Variants in SLC6A6 observed in about 807,000 individuals in gnomAD.
The protein encoded by SLC6A6 is solute carrier family 6 member 6.
A neutral mutation model predicts 68.8 loss-of-function variants in SLC6A6; 16 were observed. The observed-to-expected ratio is 0.23, with a 90% confidence interval of 0.16 to 0.35. The LOEUF (loss-of-function observed/expected upper bound fraction) is 0.35, where lower values mean the gene tolerates loss of function less well. Among genes scored for constraint, SLC6A6 ranks in the 10% least tolerant of loss-of-function variants. The pLI, the probability that SLC6A6 is intolerant of heterozygous loss-of-function variation, is 1.00. For synonymous variants in SLC6A6, 312 were observed against 315.4 expected (o/e 0.99, Z 0.12); for missense variants, 474 against 802.8 (o/e 0.59, Z 4.95).
intron 1 of SLC6A6, among the ~76,000 whole-genome samples, chr3:14,408,045 C>T (rs1699150129): frequency 6.6e-6 from 1 of 151,938 alleles, no homozygotes; most frequent in Non-Finnish European, 1.5e-5. Flanking sequence ...TTGTTTCCAG[C>T]TGGGGGGCAG....
intron 1 of SLC6A6, among the ~76,000 whole-genome samples, chr3:14,415,380 C>T (rs543607762): frequency 3.4e-4 from 52 of 152,232 alleles, no homozygotes; most frequent in African/African-American, 1.2e-3. Context: ...CTGGCAAGTG[C>T]GCCTCTGGGT....
chr3:14,417,045 A>C (rs1699377259), intron 2 of SLC6A6, among the ~76,000 whole-genome samples: 1 of 152,152 alleles, frequency 6.6e-6, no homozygotes, highest in African/African-American at 2.4e-5. Flanking sequence ...GGGTTTCACG[A>C]TGTTGTCAAG....
intron 5 of SLC6A6, among the ~76,000 whole-genome samples, chr3:14,449,863 T>C (rs1347125305): frequency 6.6e-6 from 1 of 152,178 alleles, no homozygotes; most frequent in African/African-American, 2.4e-5. Context: ...GCAATTCTCC[T>C]GCCTCAGCCT....
At chr3:14,440,880 AC>A (rs1198340661) in intron 2 of SLC6A6, among the ~76,000 whole-genome samples, 4 of 149,102 alleles carry the variant, frequency 2.7e-5, no homozygotes, top group Non-Finnish European at 5.9e-5. Context: ...GAGTTGGGAG[AC>A]CCCCACCATG....
chr3:14,420,471 C>T (rs1181003419), intron 2 of SLC6A6, among the ~76,000 whole-genome samples: 2 of 147,876 alleles, frequency 1.4e-5, no homozygotes, highest in African/African-American at 2.5e-5. Context: ...GTTACAGTTT[C>T]TCTTGTAAAC....
At position 14,485,018 on chromosome 3, in the gene SLC6A6, G is replaced by A; in HGVS notation, c.*11G>A. 1.3e-6 allele frequency: 2 copies of A among 1,598,144 alleles called. No individual in the cohort carries two copies. The highest frequency in any genetic ancestry group is 1.7e-6 in the Non-Finnish European group (2 of 1,167,878). ...GAGACCATGATGTGAGCTCTCTCGG[G>A]TCGACGGGGCCGGCGGCTTTCCTGC... On this transcript the variant is annotated 3_prime_UTR_variant, in exon 15 of 15. Coordinates refer to ENST00000622186, the MANE Select transcript of SLC6A6 (RefSeq NM_003043.6).
intron 5 of SLC6A6, among the ~76,000 whole-genome samples, chr3:14,457,369 G>A (rs1335953096): frequency 2.6e-5 from 4 of 152,200 alleles, no homozygotes; most frequent in Admixed American, 2.6e-4. Context: ...GTTAACATCT[G>A]CAAAGGTTTA....
rs556679209 is a variant in SLC6A6, at chr3:14,452,773, G to A, written c.599+4957G>A. Among the ~76,000 whole-genome samples, 9 of 152,268 alleles carry A rather than the reference G, an allele frequency of 5.9e-5. No homozygotes were observed. The South Asian group carries it at 1.7e-3, about 28-fold the overall frequency. On this transcript the variant is annotated intron_variant, in intron 5 of 14. Coordinates refer to ENST00000622186, the MANE Select transcript of SLC6A6 (RefSeq NM_003043.6). ...TTTCATGCTGGCTTTATAATTGAGC[G>A]CCGAGTTGCTCTGGGATGGGGAAGC...
chr3:14,474,437 G>C (rs775778727), intron 10 of SLC6A6, among the ~76,000 whole-genome samples: 6 of 152,148 alleles, frequency 3.9e-5, no homozygotes, highest in Non-Finnish European at 8.8e-5. Context: ...AGTACCTTCA[G>C]ACATTGCGCG....
At chr3:14,429,899 C>G (rs1699684344) in intron 2 of SLC6A6, among the ~76,000 whole-genome samples, 1 of 152,098 alleles carries the variant, frequency 6.6e-6, no homozygotes, top group Admixed American at 6.6e-5. Flanking sequence ...TGAACTTTAT[C>G]CAAAGTTGCA....
intron 2 of SLC6A6, among the ~76,000 whole-genome samples, chr3:14,442,068 T>C (rs1478103379): frequency 6.6e-6 from 1 of 152,154 alleles, no homozygotes. Context: ...GCCAAGCGAG[T>C]GTGTCCTGAG....
chr3:14,428,611 G>C (rs1699653580), intron 2 of SLC6A6, among the ~76,000 whole-genome samples: 2 of 152,194 alleles, frequency 1.3e-5, no homozygotes, highest in Non-Finnish European at 2.9e-5. Context: ...CTCCTGGGGA[G>C]GGTGCCTTTG....
intron 2 of SLC6A6, among the ~76,000 whole-genome samples, chr3:14,435,089 TAAG>T (rs1358583483): frequency 2.0e-5 from 3 of 152,180 alleles, no homozygotes; most frequent in African/African-American, 4.8e-5. Flanking sequence ...AACCACAGAC[TAAG>T]AAGAACTACG....
chr3:14,461,196 G>A (rs766156957), intron 6 of SLC6A6, among the ~76,000 whole-genome samples: 13 of 152,214 alleles, frequency 8.5e-5, no homozygotes, highest in African/African-American at 1.4e-4. Flanking sequence ...TGTGAGTGCC[G>A]GGCAGCATTC....
Position 14,479,116 on chromosome 3 carries a change from C to A in SLC6A6, c.1482C>A (p.Asp494Glu). 6.2e-7 allele frequency: 1 copy of A among 1,613,026 alleles called. No individual in the cohort carries two copies. Among genetic ancestry groups the A allele is most frequent in the African/African-American group, 1.3e-5 (1 of 74,992 alleles). ...GGDNLYDGIE[D>E]MIGYRPGPWM... ...ATAACCTTTATGATGGTATTGAGGA[C>A]ATGATTGGCTATCGGCCCGGGCCCT... The change falls in exon 13 of 15, where the codon GAC (aspartate) becomes GAA (glutamate). Residue 494 changes from aspartate (D) to glutamate (E), a missense_variant. Coordinates refer to ENST00000622186, the MANE Select transcript of SLC6A6 (RefSeq NM_003043.6).
At chr3:14,423,217 A>G (rs540846934) in intron 2 of SLC6A6, among the ~76,000 whole-genome samples, 33 of 152,332 alleles carry the variant, frequency 2.2e-4, no homozygotes, top group Middle Eastern at 3.4e-3. Context: ...CTGGATAGGA[A>G]GAAGGGGACG....
chr3:14,405,265 A>C (rs898148138), intron 1 of SLC6A6, among the ~76,000 whole-genome samples: 1 of 152,086 alleles, frequency 6.6e-6, no homozygotes, highest in Non-Finnish European at 1.5e-5. Context: ...CCTTCCCCTG[A>C]GCCCTGCTAC....
intron 1 of SLC6A6, among the ~76,000 whole-genome samples, chr3:14,409,029 C>T (rs528086330): frequency 3.9e-5 from 6 of 152,168 alleles, no homozygotes; most frequent in Admixed American, 6.5e-5. Context: ...AGGATGGTCT[C>T]GATCTCCTGA....
intron 6 of SLC6A6, among the ~76,000 whole-genome samples, chr3:14,462,160 CG>C (rs1483210507): frequency 6.6e-6 from 1 of 152,180 alleles, no homozygotes; most frequent in Non-Finnish European, 1.5e-5. Flanking sequence ...TTGGGGATCC[CG>C]GGGGAGCCAC....
Sources: allele counts gnomAD v4.1 joint callset (sites outside exome capture counted in the v4.1 genomes callset), GRCh38; gene constraint gnomAD v4.1.1; transcripts MANE v1.5; gene names NCBI Gene and HGNC (gene_info 2026-07-23, HGNC 2026-07-21).